IPO13: variants seen among roughly 807,000 people sequenced by gnomAD.
IPO13 encodes importin 13, also known as importin-13.
In IPO13, 28 loss-of-function variants were observed where a neutral mutation model predicts 115.5. The observed-to-expected ratio is 0.24, with a 90% CI of 0.18 to 0.33. The LOEUF is 0.33. Ranked by LOEUF, IPO13 falls within the 10% of genes least tolerant of loss-of-function variation. The probability of loss-of-function intolerance (pLI) is 1.00; values close to 1 mark genes in which losing one functional copy is unlikely to be tolerated. For synonymous variants in IPO13, 414 were observed against 478.9 expected (o/e 0.86, Z 1.77); for missense variants, 785 against 1,204.6 (o/e 0.65, Z 5.16).
Position 43,967,186 on chromosome 1 carries a change from C to A in IPO13, c.2614-129C>A. 7 of 1,151,268 alleles carry A rather than the reference C, an allele frequency of 6.1e-6. No individual in the cohort carries two copies. The Middle Eastern group carries it at 1.4e-3, about 226-fold the overall frequency. The allele number at this position is 1,151,268 out of a possible 1,614,324, so 71.3% of individuals were successfully genotyped here. A position where few individuals can be genotyped will look rare whatever the true frequency, so the allele number is the denominator to read the frequency against. ...GGATTGCTGTGGGGATCAGCTGGCTCTCAAAAAGCAGCGCTCACTGTGATG... is the reference window on the plus strand; with the variant it reads ...GGATTGCTGTGGGGATCAGCTGGCTATCAAAAAGCAGCGCTCACTGTGATG... On this transcript the variant is annotated intron_variant, in intron 18 of 19. Coordinates refer to ENST00000372343, the MANE Select transcript of IPO13 (RefSeq NM_014652.4). The surrounding 1 kb of genome is among the most constrained non-coding windows in gnomAD (Gnocchi z 6.1).
rs914519446 is a variant in IPO13, at chr1:43,947,030, C to G, written c.-571C>G. The stretch of plus-strand genomic sequence containing the variant: ...GGCGTTGAGCACAGCGCGGGCCAGG[C>G]CGAACGGAAGGGACCTGCCACAGCC... On this transcript the variant is annotated 5_prime_UTR_variant, in exon 1 of 20. Transcript: ENST00000372343. 5 of 398,640 alleles carry G rather than the reference C, an allele frequency of 1.3e-5. No individual in the cohort carries two copies. The highest frequency in any genetic ancestry group is 1.0e-4 in the African/African-American group (5 of 48,654). 24.7% of individuals were successfully genotyped at this position (398,640 alleles called of 1,614,324 possible). A position where few individuals can be genotyped will look rare whatever the true frequency, so the allele number is the denominator to read the frequency against.
At chr1:43,964,242 T>C in intron 14 of IPO13, 27 bp from the exon 15 acceptor site, 1 of 1,557,986 alleles carries the variant, frequency 6.4e-7, no homozygotes, top group Non-Finnish European at 8.8e-7. Flanking sequence ...TAATTTTTTC[T>C]TAAGTTCCAT....
chr1:43,953,391 C>T (rs2154302134), intron 2 of IPO13: 1 of 152,390 alleles, frequency 6.6e-6, no homozygotes, highest in South Asian at 2.1e-4. Context: ...CTAGAAACCT[C>T]TGGGACCTCA....
Position 43,967,519 on chromosome 1 carries a change from T to A in IPO13, c.2795+23T>A, listed in dbSNP as rs763101301. 1 of 1,614,108 alleles carries A rather than the reference T, an allele frequency of 6.2e-7. No individual in the cohort carries two copies. On this transcript the variant is annotated intron_variant, in intron 19 of 19. Transcript: ENST00000372343. The surrounding 1 kb of genome is among the most constrained non-coding windows in gnomAD (Gnocchi z 6.1). ...TCGGTGAGCAGAGCTGGGGTGGGCC[T>A]GGGGTCAGGCAGAGAGGGGGCAGTG...
Position 43,967,196 on chromosome 1 carries a change from A to G in IPO13, c.2614-119A>G, listed in dbSNP as rs1226316157. On this transcript the variant is annotated intron_variant, in intron 18 of 19. Transcript: ENST00000372343. The surrounding 1 kb of genome is among the most constrained non-coding windows in gnomAD (Gnocchi z 6.1). ...GGGGATCAGCTGGCTCTCAAAAAGC[A>G]GCGCTCACTGTGATGTGCAGTTTGG... 2 of 1,189,496 alleles carry G rather than the reference A, an allele frequency of 1.7e-6. No homozygotes were observed. The highest frequency in any genetic ancestry group is 3.0e-5 in the African/African-American group (2 of 66,254). 73.7% of individuals were successfully genotyped at this position (1,189,496 alleles called of 1,614,324 possible). A position where few individuals can be genotyped will look rare whatever the true frequency, so the allele number is the denominator to read the frequency against.
chr1:43,967,325 G>A lies in IPO13; in HGVS notation c.2624G>A (p.Gly875Asp). ...ACCCCTCTCCCTCAGGCCATTGGGG[G>A]CCAGGCCTCCCGCAGCCTCATGGAC... ...LLIAVLEAIG[G>D]QASRSLMDCF... The change falls in exon 19 of 20, where the codon GGC becomes GAC. Residue 875 changes from glycine (G) to aspartate (D), a missense_variant. This residue lies in a region of IPO13 where 285 missense variants were observed against 394.8 expected (regional missense o/e 0.72). Coordinates refer to ENST00000372343, the MANE Select transcript of IPO13 (RefSeq NM_014652.4). This position sits in a 1 kb window ranked among gnomAD's most constrained non-coding sequence, Gnocchi z 6.1. 6.2e-7 allele frequency: 1 copy of A among 1,613,184 alleles called. No individual in the cohort carries two copies. The highest frequency in any genetic ancestry group is 8.5e-7 in the Non-Finnish European group (1 of 1,179,348).
Position 43,966,129 on chromosome 1 carries a change from A to G in IPO13, c.2398-446A>G. 1 of 246,216 alleles carries G rather than the reference A, an allele frequency of 4.1e-6. No individual in the cohort carries two copies. The highest frequency in any genetic ancestry group is 8.2e-6 in the Non-Finnish European group (1 of 122,230). 15.3% of individuals were successfully genotyped at this position (246,216 alleles called of 1,614,324 possible). The stretch of plus-strand genomic sequence containing the variant: ...AGGAATACAGGAGGGACATGGGAGG[A>G]GGGCTGTTGGGCTGAGGGCTCCCTG... On this transcript the variant is annotated intron_variant, in intron 15 of 19. Coordinates refer to ENST00000372343, the MANE Select transcript of IPO13 (RefSeq NM_014652.4). The surrounding 1 kb of genome is among the most constrained non-coding windows in gnomAD (Gnocchi z 4.1).
At chr1:43,959,612 CCTCCCAGATTT>C (rs2085276170) in intron 11 of IPO13, among the ~76,000 whole-genome samples, 1 of 152,162 alleles carries the variant, frequency 6.6e-6, no homozygotes, top group African/African-American at 2.4e-5. Context: ...CCCAGAACTC[CCTCCCAGATTT>C]CTCCAGGAGA....
rs770139504 is a variant in IPO13 at position 43,961,238 on chromosome 1, G to A, written c.2320G>A (p.Val774Ile). Residue 774 changes from valine (V) to isoleucine (I), a missense_variant, in exon 14 of 20, where the codon GTC becomes ATC. Val to Ile is a conservative substitution (Grantham distance 29). Around this residue, in one of 3 missense-constraint regions of IPO13, gnomAD observed 285 missense variants for 394.8 expected, o/e 0.72. Transcript: ENST00000372343. The part of the protein sequence containing the change: ...IEALFLLVTS[V>I]TLTLFQQGPR... Reference sequence around the variant, plus strand: ...GGCCCTCTTCCTGCTCGTCACCTCCGTCACACTCACTCTCTTCCAGCAAGG... The same window carrying A: ...GGCCCTCTTCCTGCTCGTCACCTCCATCACACTCACTCTCTTCCAGCAAGG... The A allele has an allele frequency of 1.1e-5, 17 of 1,613,604 alleles. No homozygotes were observed. Among genetic ancestry groups the A allele is most frequent in the South Asian group, 3.3e-5 (3 of 91,058 alleles).
intron 1 of IPO13, 132 bp from the exon 2 acceptor site, chr1:43,949,285 G>A (rs757485694): frequency 1.3e-4 from 115 of 901,782 alleles, no homozygotes; most frequent in African/African-American, 2.5e-4. Flanking sequence ...ACTGCAGAGC[G>A]CTGAGCTCTC....
intron 2 of IPO13, among the ~76,000 whole-genome samples, chr1:43,954,044 A>G (rs574218631): frequency 6.6e-6 from 1 of 152,220 alleles, no homozygotes; most frequent in South Asian, 2.1e-4. Flanking sequence ...AATGAAGAAC[A>G]TTTGCCGAGT....
At position 43,950,081 on chromosome 1, in the gene IPO13, T is replaced by C; in HGVS notation, c.749T>C (p.Leu250Pro). ...CTCATTCAGGCTGCCTTTGCTGCTC[T>C]GCAGGACTCGGAGCTCTTCGACAGC... ...EALIQAAFAA[L>P]QDSELFDSSV... The change falls in exon 2 of 20, where the codon CTG becomes CCG. Residue 250 changes from leucine (L) to proline (P), a missense_variant. Physicochemically the swap from Leu to Pro is moderately conservative, Grantham distance 98. Around this residue, in one of 3 missense-constraint regions of IPO13, gnomAD observed 325 missense variants for 449.8 expected, o/e 0.72. Transcript: ENST00000372343. 1 of 1,613,972 alleles carries C rather than the reference T, an allele frequency of 6.2e-7. No homozygotes were observed. The highest frequency in any genetic ancestry group is 8.5e-7 in the Non-Finnish European group (1 of 1,180,028).
Position 43,947,072 on chromosome 1 carries a change from T to A in IPO13, c.-529T>A. ...GCCACAGCCCCTCAACTCCACGGACTCTTCGCCCTAGACTAGCGGAGCTGC... is the reference window on the plus strand; with the variant it reads ...GCCACAGCCCCTCAACTCCACGGACACTTCGCCCTAGACTAGCGGAGCTGC... On this transcript the variant is annotated 5_prime_UTR_variant, in exon 1 of 20. Transcript: ENST00000372343. The A allele has an allele frequency of 2.5e-6, 1 of 398,836 alleles. No homozygotes were observed. Among genetic ancestry groups the A allele is most frequent in the Non-Finnish European group, 4.4e-6 (1 of 226,220 alleles). The allele number at this position is 398,836 out of a possible 1,614,324, so 24.7% of individuals were successfully genotyped here.
chr1:43,954,651 C>T (rs1019564501), intron 2 of IPO13, among the ~76,000 whole-genome samples: 14 of 152,328 alleles, frequency 9.2e-5, no homozygotes, highest in African/African-American at 3.4e-4. Flanking sequence ...TGGGCTGAGC[C>T]AGGCTTCTCT....
In IPO13 at chr1:43,947,048, C is replaced by T. The variant is rs1278664954; in HGVS notation, c.-553C>T. ...GGCCAGGCCGAACGGAAGGGACCTG[C>T]CACAGCCCCTCAACTCCACGGACTC... On this transcript the variant is annotated 5_prime_UTR_variant, in exon 1 of 20. Coordinates refer to ENST00000372343, the MANE Select transcript of IPO13 (RefSeq NM_014652.4). 1 of 398,622 alleles carries T rather than the reference C, an allele frequency of 2.5e-6. No homozygotes were observed. Among genetic ancestry groups the T allele is most frequent in the Non-Finnish European group, 4.4e-6 (1 of 226,136 alleles). The allele number at this position is 398,622 out of a possible 1,614,324, so 24.7% of individuals were successfully genotyped here. A position where few individuals can be genotyped will look rare whatever the true frequency, so the allele number is the denominator to read the frequency against.
At position 43,967,060 on chromosome 1, in the gene IPO13, C is replaced by G; in HGVS notation, c.2613+41C>G. The stretch of plus-strand genomic sequence containing the variant: ...GGGGGGTTTGATGGGGGTGAGGGCC[C>G]CTCACTGCTGAGGCAGCTGGCCTTC... On this transcript the variant is annotated intron_variant, in intron 18 of 19. Transcript: ENST00000372343. This position sits in a 1 kb window ranked among gnomAD's most constrained non-coding sequence, Gnocchi z 6.1. 6.4e-7 allele frequency: 1 copy of G among 1,572,242 alleles called. No homozygotes were observed. The highest frequency in any genetic ancestry group is 1.1e-5 in the South Asian group (1 of 90,238).
chr1:43,957,465 G>T lies in IPO13; in HGVS notation c.1456G>T (p.Asp486Tyr). ...AGAGACCATTGACGTCAACTATTCT[G>T]ATGTGGTGCCTGGGCTCATTGGCCT... The part of the protein sequence containing the change: ...IAETIDVNYS[D>Y]VVPGLIGLIP... Residue 486 changes from aspartate to tyrosine, a missense_variant, in exon 7 of 20, where the codon GAT becomes TAT. Physicochemically the swap from Asp to Tyr is radical, Grantham distance 160. Around this residue, in one of 3 missense-constraint regions of IPO13, gnomAD observed 175 missense variants for 360.0 expected, o/e 0.49. Coordinates refer to ENST00000372343, the MANE Select transcript of IPO13 (RefSeq NM_014652.4). The T allele has an allele frequency of 6.2e-7, 1 of 1,614,176 alleles. No homozygotes were observed. Among genetic ancestry groups the T allele is most frequent in the South Asian group, 1.1e-5 (1 of 91,082 alleles).
In IPO13 at chr1:43,967,735, G is replaced by T. The variant is rs569849409; in HGVS notation, c.*53G>T. The T allele has an allele frequency of 1.8e-5, 28 of 1,517,130 alleles. No homozygotes were observed. The African/African-American group carries it at 3.7e-4, about 20-fold the overall frequency. 94.0% of individuals were successfully genotyped at this position (1,517,130 alleles called of 1,614,324 possible). ...CTCTTCATCCTTCCCTATTCCCAAA[G>T]AGTAAACCTGGACCCTCACTGCTGT... On this transcript the variant is annotated 3_prime_UTR_variant, in exon 20 of 20. Transcript: ENST00000372343. This position sits in a 1 kb window ranked among gnomAD's most constrained non-coding sequence, Gnocchi z 6.1.
At chr1:43,947,730 C>T (rs2085177406) in intron 1 of IPO13, 46 bp downstream of exon 1, 2 of 1,099,090 alleles carry the variant, frequency 1.8e-6, no homozygotes, top group African/African-American at 3.2e-5. Context: ...AGCAGAAGTT[C>T]TGGGGACTGT....
Sources: gnomAD v4.1 joint callset for allele counts (sites outside exome capture counted in the v4.1 genomes callset) on GRCh38, gnomAD v4.1.1 for gene constraint, gnomAD v4.1.1 regional missense constraint, Gnocchi (gnomAD v3.1) non-coding constraint, MANE v1.5 for transcripts, NCBI Gene and HGNC (gene_info 2026-07-23, HGNC 2026-07-21) for gene names.